Variants in PCDH11X observed in about 807,000 individuals in gnomAD.
PCDH11X encodes protocadherin-11 X-linked.
Under a neutral mutation model 53.3 loss-of-function variants are expected in PCDH11X, and 18 were observed. That is an observed-to-expected ratio of 0.34 (90% CI 0.23 to 0.50). PCDH11X has a LOEUF of 0.50. PCDH11X is among the 20% of genes least tolerant of loss of function. PCDH11X has a pLI of 0.98. For synonymous variants in PCDH11X, 279 were observed against 393.3 expected, an observed-to-expected ratio of 0.71 and a Z score of 3.44; for missense variants, 570 against 1,032.4, an observed-to-expected ratio of 0.55 and a Z score of 6.14.
At chrX:92,309,200 G>C (rs2068893834) in intron 8 of PCDH11X, among the ~76,000 whole-genome samples, 1 of 112,141 alleles carries the variant, frequency 8.9e-6, no homozygotes, top group Non-Finnish European at 1.9e-5. Context: ...CATATTTATA[G>C]CAACATTTTC....
chrX:92,339,363 A>G (rs2069696717), intron 8 of PCDH11X, among the ~76,000 whole-genome samples: 1 of 112,547 alleles, frequency 8.9e-6, no homozygotes, highest in East Asian at 2.8e-4. Context: ...GTCTTGGGAA[A>G]GAATTTACAA....
chrX:91,807,163 G>T (rs1377162301), intron 1 of PCDH11X, among the ~76,000 whole-genome samples: 6 of 69,696 alleles, frequency 8.6e-5, no homozygotes, highest in Admixed American at 5.8e-4. Flanking sequence ...AACATAGAAA[G>T]ACCTCATCTC....
At position 92,373,862 on chromosome X, in the gene PCDH11X, C is replaced by G. The variant is rs181553676; in HGVS notation, c.3145-13873C>G. Among the ~76,000 whole-genome samples, 790 of 111,652 alleles carry G rather than the reference C, an allele frequency of 7.1e-3. 6 individuals carry two copies. The highest frequency in any genetic ancestry group is 0.025 in the African/African-American group (757 of 30,787). ...TTTTAAACAGAAGACAGTGTTCAAA[C>G]AAGTGAACTGTATTCATTTACTTTC... On this transcript the variant is annotated intron_variant, in intron 8 of 10. Transcript: ENST00000682573.
intron 8 of PCDH11X, among the ~76,000 whole-genome samples, chrX:92,350,454 G>A (rs1227099511): frequency 2.7e-5 from 3 of 111,331 alleles, no homozygotes; most frequent in Admixed American, 9.6e-5. Context: ...TTTTCCTAGG[G>A]ATGTGGCTTC....
intron 10 of PCDH11X, among the ~76,000 whole-genome samples, chrX:92,582,247 C>T (rs375459460): frequency 1.3e-5 from 1 of 79,109 alleles, no homozygotes; most frequent in South Asian, 5.5e-4. Flanking sequence ...ATTTTAGAGA[C>T]ATTTGATCAC....
At chrX:92,133,912 G>T (rs1403324460) in intron 6 of PCDH11X, among the ~76,000 whole-genome samples, 4 of 111,508 alleles carry the variant, frequency 3.6e-5, no homozygotes, top group African/African-American at 1.3e-4. Flanking sequence ...AAAGTGGTAG[G>T]GGTACAGCTT....
intron 8 of PCDH11X, among the ~76,000 whole-genome samples, chrX:92,320,024 G>A (rs950712697): frequency 9.0e-6 from 1 of 110,510 alleles, no homozygotes; most frequent in Non-Finnish European, 1.9e-5. Context: ...GTTAATTAAA[G>A]CTTCCATGCC....
chrX:91,909,719 G>A (rs1941309572), intron 6 of PCDH11X, among the ~76,000 whole-genome samples: 1 of 108,128 alleles, frequency 9.2e-6, no homozygotes, highest in African/African-American at 3.4e-5. Flanking sequence ...TATCACATCA[G>A]TGTTTTATTT....
At chrX:91,921,203 G>C (rs912377897) in intron 6 of PCDH11X, among the ~76,000 whole-genome samples, 11 of 109,505 alleles carry the variant, frequency 1.0e-4, no homozygotes, top group African/African-American at 3.7e-4. Context: ...ATGAGAGGAA[G>C]TTATAGAGAT....
intron 10 of PCDH11X, among the ~76,000 whole-genome samples, chrX:92,559,173 A>G (rs1036856466): frequency 3.6e-5 from 4 of 110,787 alleles, no homozygotes; most frequent in Non-Finnish European, 7.6e-5. Context: ...TGTCAAAAAA[A>G]TCTGAAAATT....
At chrX:91,888,527 T>C (rs1308117553) in intron 6 of PCDH11X, among the ~76,000 whole-genome samples, 1 of 109,436 alleles carries the variant, frequency 9.1e-6, no homozygotes, top group African/African-American at 3.3e-5. Context: ...TGGTGGTGCA[T>C]ATCTGTGGTC....
intron 5 of PCDH11X, among the ~76,000 whole-genome samples, chrX:91,867,220 A>T (rs1009437047): frequency 1.8e-5 from 2 of 111,776 alleles, no homozygotes; most frequent in East Asian, 2.8e-4. Context: ...TGAAGAAAAA[A>T]ATCACTAGTA....
At chrX:92,093,593 A>G (rs1207586557) in intron 6 of PCDH11X, among the ~76,000 whole-genome samples, 4 of 111,849 alleles carry the variant, frequency 3.6e-5, no homozygotes, top group Admixed American at 9.5e-5. Context: ...GTGAATAGGC[A>G]CAAATGTCTC....
At chrX:92,473,274 CTT>C (rs2073307246) in intron 10 of PCDH11X, among the ~76,000 whole-genome samples, 1 of 109,776 alleles carries the variant, frequency 9.1e-6, no homozygotes, top group Non-Finnish European at 1.9e-5. Context: ...CATTAATCAT[CTT>C]TTGAATTCCT....
chrX:91,915,937 T>C (rs1602487607), intron 6 of PCDH11X, among the ~76,000 whole-genome samples: 1 of 110,505 alleles, frequency 9.0e-6, no homozygotes, highest in Admixed American at 9.7e-5. Flanking sequence ...GAACATGTGA[T>C]AGGTCACAAA....
chrX:92,137,081 A>T (rs1391467779), intron 6 of PCDH11X, among the ~76,000 whole-genome samples: 2 of 107,140 alleles, frequency 1.9e-5, no homozygotes, highest in Non-Finnish European at 3.8e-5. Context: ...GAAGCCTCAA[A>T]CTCCTGGCCT....
intron 7 of PCDH11X, among the ~76,000 whole-genome samples, chrX:92,218,682 C>T (rs1369241483): frequency 3.6e-5 from 4 of 111,487 alleles, no homozygotes; most frequent in Non-Finnish European, 7.5e-5. Flanking sequence ...AGGGAATCCT[C>T]CCCAACTCAT....
chrX:92,242,017 A>C (rs2067270270), intron 7 of PCDH11X, among the ~76,000 whole-genome samples: 1 of 109,599 alleles, frequency 9.1e-6, no homozygotes, highest in Admixed American at 9.9e-5. Flanking sequence ...GAATCGTTTG[A>C]ACCCGGGAGG....
At chrX:91,967,078 G>A (rs1461175685) in intron 6 of PCDH11X, among the ~76,000 whole-genome samples, 2 of 104,088 alleles carry the variant, frequency 1.9e-5, no homozygotes, top group Non-Finnish European at 3.9e-5. Flanking sequence ...AAGAACATGC[G>A]GTGTTTGGTT....
Sources: gnomAD v4.1 joint callset for allele counts (sites outside exome capture counted in the v4.1 genomes callset) on GRCh38, gnomAD v4.1.1 for gene constraint, MANE v1.5 for transcripts, NCBI Gene and HGNC (gene_info 2026-07-23, HGNC 2026-07-21) for gene names.